The following UNC79 variants were observed in gnomAD, a reference collection of about 807,000 sequenced individuals.
UNC79 encodes the protein unc-79 subunit of NALCN channel complex.
UNC79 carries 37 observed loss-of-function variants against 283.1 expected under a neutral mutation model. The observed-to-expected ratio is 0.13, with a 90% CI of 0.10 to 0.17. The LOEUF (loss-of-function observed/expected upper bound fraction) is 0.17, where lower values mean the gene tolerates loss of function less well. Among genes scored for constraint, UNC79 ranks in the 10% least tolerant of loss-of-function variants. The probability of loss-of-function intolerance (pLI) is 1.00; values close to 1 mark genes in which losing one functional copy is unlikely to be tolerated. For missense variants in UNC79, 2,272 were observed against 3,211.1 expected (o/e 0.71, Z 7.07); for synonymous variants, 1,107 against 1,200.2 (o/e 0.92, Z 1.61).
At chr14:93,480,546 A>G (rs1011202372) in intron 4 of UNC79, among the ~76,000 whole-genome samples, 3 of 152,142 alleles carry the variant, frequency 2.0e-5, no homozygotes, top group Non-Finnish European at 4.4e-5. Flanking sequence ...AATATTTGTC[A>G]TCTTTAAGTC....
intron 25 of UNC79, among the ~76,000 whole-genome samples, chr14:93,601,026 T>C (rs1258572405): frequency 6.6e-6 from 1 of 152,234 alleles, no homozygotes; most frequent in Non-Finnish European, 1.5e-5. Context: ...TCCCTAAATA[T>C]GATTCAGTCA....
intron 1 of UNC79, among the ~76,000 whole-genome samples, chr14:93,366,571 CTTT>C (rs370391512): frequency 7.2e-6 from 1 of 139,644 alleles, no homozygotes. Flanking sequence ...TTTTTTTATT[CTTT>C]TTTTTTTTTT....
chr14:93,438,128 A>G (rs897206968), intron 1 of UNC79, among the ~76,000 whole-genome samples: 5 of 152,204 alleles, frequency 3.3e-5, no homozygotes, highest in African/African-American at 1.2e-4. Flanking sequence ...AGTATCCAAA[A>G]TAAAAATGTT....
chr14:93,467,628 C>CTG, intron 1 of UNC79, 43 bp from the exon 2 acceptor site: 1 of 761,388 alleles, frequency 1.3e-6, no homozygotes, highest in Non-Finnish European at 1.5e-6. Flanking sequence ...TTTCTTCTTC[C>CTG]TTTTTTTTTT....
exon 17 of UNC79, chr14:93,575,087 A>G (rs1193405800): frequency 6.2e-7 from 1 of 1,613,490 alleles, no homozygotes; most frequent in Admixed American, 1.7e-5. Context: ...TCATGGTTCC[A>G]CTTCAACTAC....
chr14:93,366,148 G>T (rs2054326925), intron 1 of UNC79, among the ~76,000 whole-genome samples: 1 of 152,174 alleles, frequency 6.6e-6, no homozygotes, highest in Non-Finnish European at 1.5e-5. Context: ...TAACATTTAG[G>T]TGGGAGGGCA....
At chr14:93,704,803 C>A in intron 48 of UNC79, 137 bp downstream of exon 51, 1 of 1,113,292 alleles carries the variant, frequency 9.0e-7, no homozygotes, top group Non-Finnish European at 1.3e-6. Flanking sequence ...GCTGATAATG[C>A]AGGAGACCTG....
intron 11 of UNC79, among the ~76,000 whole-genome samples, chr14:93,536,782 C>CT (rs35677025): frequency 0.24 from 19,513 of 82,472 alleles, 2,819 homozygotes; most frequent in East Asian, 0.7. Flanking sequence ...CCACCCCCGG[C>CT]TTTTTTTTTT....
chr14:93,509,999 C>T (rs1163106151), intron 7 of UNC79, among the ~76,000 whole-genome samples: 1 of 152,164 alleles, frequency 6.6e-6, no homozygotes, highest in Non-Finnish European at 1.5e-5. Context: ...AATCTAGGCA[C>T]CGGCTCCCAA....
chr14:93,335,654 A>G (rs893542257), intron 1 of UNC79, among the ~76,000 whole-genome samples: 5 of 152,214 alleles, frequency 3.3e-5, no homozygotes, highest in African/African-American at 1.2e-4. Flanking sequence ...CTCCGGGATT[A>G]TGACTCGAAA....
chr14:93,667,056 A>G (rs1449119657), intron 40 of UNC79, among the ~76,000 whole-genome samples: 1 of 151,964 alleles, frequency 6.6e-6, no homozygotes, highest in East Asian at 1.9e-4. Context: ...ACAAGCTATG[A>G]TTGCACCAAC....
In UNC79 at chr14:93,532,535, GC is replaced by G. The variant is rs764950788; in HGVS notation, c.1094-13del. 3.1e-5 allele frequency: 50 copies of G among 1,608,764 alleles called. No homozygotes were observed. Among genetic ancestry groups the G allele is most frequent in the Non-Finnish European group, 3.8e-5 (45 of 1,177,342 alleles). On this transcript the variant is annotated splice_polypyrimidine_tract_variant and intron_variant, in intron 10 of 48. Coordinates refer to ENST00000555664, the Ensembl canonical transcript of UNC79. The stretch of plus-strand genomic sequence containing the variant: ...CTCTTTCTTTGTTGATATTTTGTGT[GC>G]CTTCCCCTTACAGCTGAAATATCTG...
At chr14:93,510,746 A>G (rs550758539) in intron 7 of UNC79, among the ~76,000 whole-genome samples, 2 of 152,304 alleles carry the variant, frequency 1.3e-5, no homozygotes, top group African/African-American at 2.4e-5. Flanking sequence ...GGTCACAACA[A>G]TTTAACAAGT....
intron 1 of UNC79, among the ~76,000 whole-genome samples, chr14:93,351,615 AT>A (rs1418726006): frequency 6.6e-6 from 1 of 152,156 alleles, no homozygotes; most frequent in Non-Finnish European, 1.5e-5. Flanking sequence ...CTATCTCAAA[AT>A]TTATATTGAT....
intron 16 of UNC79, 101 bp from the exon 17 acceptor site, chr14:93,574,957 A>G (rs1276690370): frequency 8.0e-7 from 1 of 1,251,208 alleles, no homozygotes; most frequent in East Asian, 2.4e-5. Context: ...AATTATCCTT[A>G]TGTTCAATAA....
At chr14:93,488,596 T>C (rs1566989799) in intron 5 of UNC79, among the ~76,000 whole-genome samples, 2 of 152,238 alleles carry the variant, frequency 1.3e-5, no homozygotes, top group Admixed American at 6.5e-5. Context: ...TGAATGCTTC[T>C]TAGTTTGGAG....
At chr14:93,363,531 T>G (rs1436868291) in intron 1 of UNC79, among the ~76,000 whole-genome samples, 1 of 152,142 alleles carries the variant, frequency 6.6e-6, no homozygotes, top group African/African-American at 2.4e-5. Flanking sequence ...AGTTTTCTGC[T>G]TTGAAGATTT....
At chr14:93,704,187 C>T (rs2075717459) in intron 47 of UNC79, among the ~76,000 whole-genome samples, 2 of 152,224 alleles carry the variant, frequency 1.3e-5, no homozygotes, top group South Asian at 2.1e-4. Flanking sequence ...TGGTCTTTCT[C>T]GCTCACTTAA....
At chr14:93,580,090 C>T in intron 18 of UNC79, 59 bp from the exon 19 acceptor site, 2 of 1,471,742 alleles carry the variant, frequency 1.4e-6, no homozygotes, top group Non-Finnish European at 9.2e-7. Context: ...GACCAAACTC[C>T]TTCTTCTTCT....
Sources: allele counts gnomAD v4.1 joint callset (sites outside exome capture counted in the v4.1 genomes callset), GRCh38; gene constraint gnomAD v4.1.1; transcripts MANE v1.5; gene names NCBI Gene and HGNC (gene_info 2026-07-23, HGNC 2026-07-21).